Variants in DLGAP1 observed in about 807,000 individuals in gnomAD.
The protein encoded by DLGAP1 is DLG associated protein 1, also known as disks large-associated protein 1.
A neutral mutation model predicts 90.8 loss-of-function variants in DLGAP1; 11 were observed. The observed-to-expected ratio is 0.12, with a 90% CI of 0.08 to 0.20. The LOEUF (loss-of-function observed/expected upper bound fraction) is 0.20. Among genes scored for constraint, DLGAP1 ranks in the 10% least tolerant of loss-of-function variants. The pLI is 1.00. For synonymous variants in DLGAP1, 558 were observed against 540.7 expected (o/e 1.03, Z -0.44); for missense variants, 1,050 against 1,333.8 (o/e 0.79, Z 3.31).
At chr18:4,081,539 C>T (rs1236772730) in intron 2 of DLGAP1, among the ~76,000 whole-genome samples, 1 of 152,194 alleles carries the variant, frequency 6.6e-6, no homozygotes, top group African/African-American at 2.4e-5. Flanking sequence ...ATCCCTCACC[C>T]ACCTTTCAAT....
At chr18:3,852,216 C>T (rs146992230) in intron 4 of DLGAP1, among the ~76,000 whole-genome samples, 28 of 152,158 alleles carry the variant, frequency 1.8e-4, no homozygotes, top group African/African-American at 3.6e-4. Context: ...AGTGCAAAGT[C>T]GTCTAGAATG....
At chr18:4,087,755 C>T (rs932886383) in intron 2 of DLGAP1, among the ~76,000 whole-genome samples, 2 of 152,068 alleles carry the variant, frequency 1.3e-5, no homozygotes, top group East Asian at 1.9e-4. Flanking sequence ...CATTTATATG[C>T]TATATATATT....
At chr18:3,656,372 G>T in intron 7 of DLGAP1, 1 of 450,826 alleles carries the variant, frequency 2.2e-6, no homozygotes, top group Non-Finnish European at 4.0e-6. Flanking sequence ...TTTTGGATGG[G>T]ACAAAGGCCA....
At chr18:3,623,941 A>G (rs1222948291) in intron 7 of DLGAP1, among the ~76,000 whole-genome samples, 1 of 151,984 alleles carries the variant, frequency 6.6e-6, no homozygotes, top group African/African-American at 2.4e-5. Flanking sequence ...TGACCGGTTC[A>G]GTGGGATCTG....
intron 3 of DLGAP1, among the ~76,000 whole-genome samples, chr18:4,000,891 G>A (rs1248515419): frequency 6.6e-6 from 1 of 152,084 alleles, no homozygotes; most frequent in Non-Finnish European, 1.5e-5. Flanking sequence ...TTTATATGTA[G>A]TGCATTCTGG....
At chr18:3,903,101 A>G (rs2148883181) in intron 3 of DLGAP1, among the ~76,000 whole-genome samples, 1 of 152,312 alleles carries the variant, frequency 6.6e-6, no homozygotes, top group African/African-American at 2.4e-5. Flanking sequence ...CGCTCTTGGA[A>G]GGCAAGAACC....
intron 3 of DLGAP1, among the ~76,000 whole-genome samples, chr18:4,002,008 T>C (rs1018829320): frequency 6.9e-6 from 1 of 145,312 alleles, no homozygotes; most frequent in Non-Finnish European, 1.5e-5. Flanking sequence ...GGTCTTAATC[T>C]CACCAGTAGT....
At chr18:3,740,384 G>A (rs181582291) in intron 6 of DLGAP1, among the ~76,000 whole-genome samples, 35 of 152,252 alleles carry the variant, frequency 2.3e-4, no homozygotes, top group Admixed American at 1.8e-3. Context: ...GCAGTAACCA[G>A]CACGAATAGG....
chr18:4,187,174 C>T (rs1048785643), intron 1 of DLGAP1, among the ~76,000 whole-genome samples: 1 of 152,138 alleles, frequency 6.6e-6, no homozygotes. Flanking sequence ...AAGTTTTCTA[C>T]ATATAGAACC....
chr18:3,874,716 C>T, intron 4 of DLGAP1: 1 of 1,533,152 alleles, frequency 6.5e-7, no homozygotes, highest in Non-Finnish European at 8.7e-7. Context: ...TGTTCCTGCT[C>T]CCAACCCTAA....
At chr18:4,107,250 A>G (rs979596265) in intron 2 of DLGAP1, among the ~76,000 whole-genome samples, 1 of 152,220 alleles carries the variant, frequency 6.6e-6, no homozygotes, top group Admixed American at 6.5e-5. Flanking sequence ...GTGATTCACA[A>G]TTCAGCCTTT....
At chr18:4,345,235 A>G (rs1359136491) in intron 1 of DLGAP1, among the ~76,000 whole-genome samples, 1 of 152,062 alleles carries the variant, frequency 6.6e-6, no homozygotes, top group Non-Finnish European at 1.5e-5. Context: ...AATCTCTCCC[A>G]AGGATTCCCT....
intron 2 of DLGAP1, among the ~76,000 whole-genome samples, chr18:4,033,574 C>T (rs1470113314): frequency 6.6e-6 from 1 of 152,116 alleles, no homozygotes; most frequent in African/African-American, 2.4e-5. Flanking sequence ...AAAAATGGCT[C>T]ACCACATTTA....
intron 1 of DLGAP1, among the ~76,000 whole-genome samples, chr18:4,205,533 C>T (rs952358178): frequency 6.6e-6 from 1 of 152,178 alleles, no homozygotes; most frequent in African/African-American, 2.4e-5. Context: ...CATTCTGTCA[C>T]GCAGGCCAGC....
At chr18:3,725,026 C>T (rs967454095) in intron 7 of DLGAP1, among the ~76,000 whole-genome samples, 1 of 152,116 alleles carries the variant, frequency 6.6e-6, no homozygotes, top group South Asian at 2.1e-4. Flanking sequence ...ATTAAAATCA[C>T]AAAAAGTCTT....
chr18:3,891,842 C>T (rs773440317), intron 3 of DLGAP1: 3 of 151,942 alleles, frequency 2.0e-5, no homozygotes, highest in Admixed American at 6.6e-5. Context: ...ACCTGGAACT[C>T]GTGGGCTTAA....
At chr18:3,644,571 C>T (rs980904320) in intron 7 of DLGAP1, among the ~76,000 whole-genome samples, 3 of 152,114 alleles carry the variant, frequency 2.0e-5, no homozygotes, top group Non-Finnish European at 4.4e-5. Context: ...CCACCATTCC[C>T]GGCTAATTTT....
At chr18:4,217,909 A>T (rs2077991353) in intron 1 of DLGAP1, among the ~76,000 whole-genome samples, 1 of 152,070 alleles carries the variant, frequency 6.6e-6, no homozygotes, top group Non-Finnish European at 1.5e-5. Context: ...GTAGTTTTTA[A>T]TTTTAATAAA....
intron 4 of DLGAP1, among the ~76,000 whole-genome samples, chr18:3,822,945 A>G (rs946725888): frequency 6.6e-6 from 1 of 152,230 alleles, no homozygotes; most frequent in African/African-American, 2.4e-5. Flanking sequence ...CAGGAGTTCA[A>G]GACCAGCCTG....
Sources: gnomAD v4.1 joint callset for allele counts (sites outside exome capture counted in the v4.1 genomes callset) on GRCh38, gnomAD v4.1.1 for gene constraint, MANE v1.5 for transcripts, NCBI Gene and HGNC (gene_info 2026-07-23, HGNC 2026-07-21) for gene names.